RHBG: variants seen among roughly 807,000 people sequenced by gnomAD.
RHBG encodes the protein Rh family B glycoprotein.
Under a neutral mutation model 40.1 loss-of-function variants are expected in RHBG, and 39 were observed. The observed-to-expected ratio is 0.97, with a 90% CI of 0.75 to 1.27. The LOEUF (loss-of-function observed/expected upper bound fraction) is 1.27, where lower values mean the gene tolerates loss of function less well. Ranked by LOEUF, RHBG falls within the 50% of genes most tolerant of loss-of-function variation. The probability of loss-of-function intolerance (pLI) is 0.00; values close to 1 mark genes in which losing one functional copy is unlikely to be tolerated. For missense variants in RHBG, 549 were observed against 588.1 expected (o/e 0.93, Z 0.69); for synonymous variants, 237 against 252.5 (o/e 0.94, Z 0.58).
intron 1 of RHBG, among the ~76,000 whole-genome samples, chr1:156,372,948 C>T (rs957347908): frequency 1.3e-5 from 2 of 152,176 alleles, no homozygotes; most frequent in African/African-American, 2.4e-5. Context: ...TGAGCCACCA[C>T]GCCCGGCCAG....
At chr1:156,375,324 T>A (rs1432797410) in intron 1 of RHBG, among the ~76,000 whole-genome samples, 1 of 151,482 alleles carries the variant, frequency 6.6e-6, no homozygotes. Context: ...CCACCCACCC[T>A]GGCCTCCCAA....
In RHBG at chr1:156,382,321, G is replaced by A. The variant is rs769714850; in HGVS notation, c.1112+120G>A. On this transcript the variant is annotated intron_variant, in intron 7 of 9. Transcript: ENST00000537040. ...ATTCATTCATTCATCCATATTCTGGGAGCAAAGGAAATTGGAGTTAACAAA... is the reference window on the plus strand; with the variant it reads ...ATTCATTCATTCATCCATATTCTGGAAGCAAAGGAAATTGGAGTTAACAAA... The A allele has an allele frequency of 2.9e-5, 44 of 1,521,222 alleles. No individual in the cohort carries two copies. The African/African-American group carries it at 3.2e-4, about 11-fold the overall frequency. The allele number at this position is 1,521,222 out of a possible 1,614,324, so 94.2% of individuals were successfully genotyped here.
At chr1:156,370,130 T>C (rs763833060) in intron 1 of RHBG, among the ~76,000 whole-genome samples, 6 of 152,082 alleles carry the variant, frequency 3.9e-5, no homozygotes, top group Non-Finnish European at 2.9e-5. Context: ...CTGGCCAACA[T>C]GGTGAAACCC....
intron 1 of RHBG, among the ~76,000 whole-genome samples, chr1:156,375,454 CAA>C (rs34882949): frequency 0.17 from 22,782 of 130,332 alleles, 1,737 homozygotes; most frequent in East Asian, 0.22. Flanking sequence ...GCATATGGCA[CAA>C]AAAAAAAAAA....
At chr1:156,384,419 A>G in intron 8 of RHBG, 108 bp from the exon 9 acceptor site, 1 of 971,648 alleles carries the variant, frequency 1.0e-6, no homozygotes, top group Non-Finnish European at 1.7e-6. Context: ...CACAGGCATC[A>G]TATTGGTCTT....
At chr1:156,374,610 G>A in intron 1 of RHBG, 1 of 409,524 alleles carries the variant, frequency 2.4e-6, no homozygotes, top group South Asian at 1.8e-5. Flanking sequence ...TTTTTAGATG[G>A]AGTTTCGCTC....
At position 156,377,385 on chromosome 1, in the gene RHBG, G is replaced by C. The variant is rs1465424340; in HGVS notation, c.272G>C (p.Gly91Ala). The C allele has an allele frequency of 6.2e-7, 1 of 1,614,228 alleles. No homozygotes were observed. The highest frequency in any genetic ancestry group is 8.5e-7 in the Non-Finnish European group (1 of 1,180,038). The change falls in exon 2 of 10, where the codon GGC becomes GCC. Residue 91 changes from glycine to alanine, a missense_variant. Gly to Ala is a moderately conservative substitution (Grantham distance 60, BLOSUM62 0). Coordinates refer to ENST00000537040, the MANE Select transcript of RHBG (RefSeq NM_020407.5). The surrounding 1 kb of genome is among the most constrained non-coding windows in gnomAD (Gnocchi z 4.6). ...FLQRYGFSSV[G>A]FTFLLAAFAL... ...CAGCGTTACGGCTTCAGCAGCGTGG[G>C]CTTCACCTTCCTCCTGGCCGCCTTT...
At position 156,379,114 on chromosome 1, in the gene RHBG, C is replaced by A. The variant is rs533292865; in HGVS notation, c.673+715C>A. On this transcript the variant is annotated intron_variant, in intron 4 of 9. Coordinates refer to ENST00000537040, the MANE Select transcript of RHBG (RefSeq NM_020407.5). ...GGTTCAAGCAATTCTCCTGCCTCAT[C>A]CTCCCGAGTAGCTGGGATTACAGGC... Among the ~76,000 whole-genome samples, 646 of 152,054 alleles carry A rather than the reference C, an allele frequency of 4.2e-3. 5 individuals carry two copies. Among genetic ancestry groups the A allele is most frequent in the Non-Finnish European group, 7.9e-3 (537 of 67,990 alleles).
chr1:156,382,951 T>C, intron 8 of RHBG, 82 bp downstream of exon 8: 2 of 1,584,498 alleles, frequency 1.3e-6, no homozygotes, highest in Middle Eastern at 1.7e-4. Flanking sequence ...TAGATATTTA[T>C]GGAGCATCTA....
intron 4 of RHBG, 56 bp downstream of exon 4, chr1:156,378,455 G>C: frequency 6.6e-7 from 1 of 1,519,726 alleles, no homozygotes; most frequent in Non-Finnish European, 8.8e-7. Flanking sequence ...GGCCTCATCT[G>C]GGCCAGAGGT....
chr1:156,378,282 C>A lies in RHBG; in HGVS notation c.556C>A (p.His186Asn). The change falls in exon 4 of 10, where the codon CAC becomes AAC. Residue 186 changes from histidine to asparagine, a missense_variant. Around this residue, in one of 3 missense-constraint regions of RHBG, gnomAD observed 399 missense variants for 417.0 expected, o/e 0.96. Coordinates refer to ENST00000537040, the MANE Select transcript of RHBG (RefSeq NM_020407.5). ...VRDAGGSMTIHTFGAYFGLVL... is the reference protein window; with the variant it reads ...VRDAGGSMTINTFGAYFGLVL... ...AGATGCCGGAGGCTCCATGACTATC[C>A]ACACCTTTGGTGCCTACTTCGGGCT... 1 of 1,614,010 alleles carries A rather than the reference C, an allele frequency of 6.2e-7. No individual in the cohort carries two copies. The highest frequency in any genetic ancestry group is 8.5e-7 in the Non-Finnish European group (1 of 1,179,984).
intron 1 of RHBG, among the ~76,000 whole-genome samples, chr1:156,376,920 A>G (rs1667243313): frequency 6.6e-6 from 1 of 152,216 alleles, no homozygotes. Context: ...AGGACTTTCT[A>G]GCAGAGGAAA....
intron 4 of RHBG, among the ~76,000 whole-genome samples, chr1:156,378,862 C>T (rs187083804): frequency 9.9e-5 from 15 of 152,272 alleles, no homozygotes; most frequent in South Asian, 4.1e-4. Flanking sequence ...TATTTCCTCC[C>T]GGGAGATTCC....
At chr1:156,374,164 C>T (rs369528438) in intron 1 of RHBG, among the ~76,000 whole-genome samples, 21 of 152,010 alleles carry the variant, frequency 1.4e-4, no homozygotes, top group Non-Finnish European at 1.6e-4. Flanking sequence ...AACCCTATTG[C>T]GAACTGTGCA....
intron 4 of RHBG, among the ~76,000 whole-genome samples, chr1:156,378,848 AG>A (rs1208100127): frequency 1.3e-5 from 2 of 152,058 alleles, no homozygotes; most frequent in Non-Finnish European, 2.9e-5. Context: ...CCGCCTCCTA[AG>A]GATATTTCCT....
rs1321563249 is a variant in RHBG at position 156,382,785 on chromosome 1, C to T, written c.1150C>T (p.Arg384Cys). 7.4e-6 allele frequency: 12 copies of T among 1,614,086 alleles called. No individual in the cohort carries two copies. Among genetic ancestry groups the T allele is most frequent in the African/African-American group, 6.7e-5 (5 of 74,942 alleles). The change falls in exon 8 of 10, where the codon CGC becomes TGC. Residue 384 changes from arginine (R) to cysteine (C), a missense_variant. Coordinates refer to ENST00000537040, the MANE Select transcript of RHBG (RefSeq NM_020407.5). ...SVFPLIAEGQ[R>C]SATSQAMHQL... ...GTTTCCACTCATAGCCGAGGGCCAG[C>T]GCAGTGCCACGTCACAGGCCATGCA...
At chr1:156,380,056 C>T in intron 4 of RHBG, among the ~76,000 whole-genome samples, 1 of 152,082 alleles carries the variant, frequency 6.6e-6, no homozygotes, top group East Asian at 1.9e-4. Flanking sequence ...TATCAAGTAC[C>T]CAGCATAGTC....
intron 1 of RHBG, among the ~76,000 whole-genome samples, chr1:156,373,640 T>A (rs532204849): frequency 2.0e-5 from 3 of 152,276 alleles, no homozygotes; most frequent in Admixed American, 6.5e-5. Flanking sequence ...ATGTTTAGAC[T>A]CCAGTTGAAA....
rs952164850 is a variant in RHBG at position 156,379,862 on chromosome 1, C to T, written c.673+1463C>T. 7.9e-5 allele frequency among the ~76,000 whole-genome samples: 12 copies of T among 152,288 alleles called. No homozygotes were observed. The South Asian group carries it at 1.7e-3, about 21-fold the overall frequency. ...CACCTTGTTGTTTGGGTCCTTCTGT[C>T]TCTCCCTCCAGGATGGACCTGGGAA... On this transcript the variant is annotated intron_variant, in intron 4 of 9. Transcript: ENST00000537040.
Sources: allele counts gnomAD v4.1 joint callset (sites outside exome capture counted in the v4.1 genomes callset), GRCh38; gene constraint gnomAD v4.1.1; regional missense constraint gnomAD v4.1.1; non-coding constraint Gnocchi (gnomAD v3.1); transcripts MANE v1.5; gene names NCBI Gene and HGNC (gene_info 2026-07-23, HGNC 2026-07-21).